The following ERBB4 variants were observed in gnomAD, a reference collection of about 807,000 sequenced individuals.
ERBB4 encodes the protein erb-b2 receptor tyrosine kinase 4.
ERBB4 carries 42 observed loss-of-function variants against 158.0 expected under a neutral mutation model. That is an observed-to-expected ratio of 0.27 (90% confidence interval 0.21 to 0.34). The LOEUF (loss-of-function observed/expected upper bound fraction) is 0.34, where lower values mean the gene tolerates loss of function less well. ERBB4 is among the 10% of genes least tolerant of loss of function. The probability of loss-of-function intolerance (pLI) is 1.00; values close to 1 mark genes in which losing one functional copy is unlikely to be tolerated. For missense variants in ERBB4, 1,333 were observed against 1,624.1 expected (o/e 0.82, Z 3.08); for synonymous variants, 583 against 558.7 (o/e 1.04, Z -0.61).
intron 1 of ERBB4, among the ~76,000 whole-genome samples, chr2:212,237,080 T>C (rs2083908061): frequency 6.6e-6 from 1 of 152,188 alleles, no homozygotes; most frequent in African/African-American, 2.4e-5. Flanking sequence ...TTTAGAAATC[T>C]TTCCTGCTTT....
At chr2:212,406,696 C>T (rs2091354491) in intron 1 of ERBB4, among the ~76,000 whole-genome samples, 3 of 152,100 alleles carry the variant, frequency 2.0e-5, no homozygotes, top group Admixed American at 2.0e-4. Context: ...TGGGAACTGA[C>T]TCTGGTTGTC....
chr2:211,386,342 G>A (rs1055855059), intron 27 of ERBB4, among the ~76,000 whole-genome samples: 3 of 152,004 alleles, frequency 2.0e-5, no homozygotes, highest in Admixed American at 6.6e-5. Flanking sequence ...TTTGAAAAAC[G>A]TCATATAAGA....
intron 2 of ERBB4, among the ~76,000 whole-genome samples, chr2:212,057,629 C>G (rs2077621984): frequency 6.6e-6 from 1 of 152,218 alleles, no homozygotes; most frequent in African/African-American, 2.4e-5. Context: ...AAGAAACTCC[C>G]TCAAAACTGC....
intron 1 of ERBB4, among the ~76,000 whole-genome samples, chr2:212,373,918 TATATATATATCCATATATATCC>T (rs1574796651): frequency 1.7e-5 from 1 of 57,304 alleles, no homozygotes; most frequent in Non-Finnish European, 3.2e-5. Flanking sequence ...TATATATCCA[TATATATATATCCATATATATCC>T]ATATATATAT....
intron 23 of ERBB4, among the ~76,000 whole-genome samples, 180 bp from the exon 24 acceptor site, chr2:211,422,284 T>C (rs2063529135): frequency 1.3e-5 from 2 of 151,922 alleles, no homozygotes; most frequent in Non-Finnish European, 2.9e-5. Context: ...GGTCTCTTTG[T>C]TGATATTCAT....
intron 1 of ERBB4, among the ~76,000 whole-genome samples, chr2:212,287,286 C>T (rs915048815): frequency 6.6e-6 from 1 of 152,060 alleles, no homozygotes; most frequent in Non-Finnish European, 1.5e-5. Flanking sequence ...CAACACCAGC[C>T]CCAGCCAGTC....
At chr2:211,680,378 G>A (rs1402815729) in intron 12 of ERBB4, among the ~76,000 whole-genome samples, 1 of 152,122 alleles carries the variant, frequency 6.6e-6, no homozygotes, top group African/African-American at 2.4e-5. Flanking sequence ...GTGATTTGAG[G>A]TATTTGAAAC....
Position 212,188,240 on chromosome 2 carries a change from C to CTT in ERBB4, c.83-63338_83-63337insAA, listed in dbSNP as rs1559691787. ...TCTCTCTCTCTCTCTCTCTCCCCCC[C>CTT]CCTCTCACCCCCTCCCTCCCTCCCT... On this transcript the variant is annotated intron_variant, in intron 1 of 27. Transcript: ENST00000342788. 8.4e-3 allele frequency among the ~76,000 whole-genome samples: 251 copies of CTT among 29,866 alleles called. 31 individuals are homozygous for CTT. Among genetic ancestry groups the CTT allele is most frequent in the African/African-American group, 0.035 (235 of 6,690 alleles). The allele number at this position is 29,866 out of a possible 152,430, so 19.6% of individuals were successfully genotyped here. A position where few individuals can be genotyped will look rare whatever the true frequency, so the allele number is the denominator to read the frequency against.
At chr2:212,425,380 GAACA>G (rs2091888645) in intron 1 of ERBB4, among the ~76,000 whole-genome samples, 1 of 147,372 alleles carries the variant, frequency 6.8e-6, no homozygotes, top group Admixed American at 6.8e-5. Context: ...ACATATATAT[GAACA>G]TATATGTATA....
chr2:212,435,685 C>T (rs974500519), intron 1 of ERBB4, among the ~76,000 whole-genome samples: 1 of 151,822 alleles, frequency 6.6e-6, no homozygotes, highest in African/African-American at 2.4e-5. Flanking sequence ...TAGATGAAGT[C>T]TTTTCCATGT....
intron 3 of ERBB4, among the ~76,000 whole-genome samples, chr2:211,913,212 G>T (rs1479863839): frequency 1.3e-5 from 2 of 152,188 alleles, no homozygotes; most frequent in African/African-American, 4.8e-5. Context: ...ATTATCTCAT[G>T]AAGCTGTTGT....
intron 1 of ERBB4, among the ~76,000 whole-genome samples, chr2:212,457,263 C>T (rs1688341056): frequency 6.6e-6 from 1 of 151,836 alleles, no homozygotes; most frequent in Non-Finnish European, 1.5e-5. Flanking sequence ...ATAATATAAA[C>T]AAAATATTTT....
At chr2:211,788,994 A>AG (rs1406980532) in intron 3 of ERBB4, among the ~76,000 whole-genome samples, 1 of 152,192 alleles carries the variant, frequency 6.6e-6, no homozygotes, top group African/African-American at 2.4e-5. Flanking sequence ...GGCCTTGATT[A>AG]GCTAATTTGT....
intron 4 of ERBB4, among the ~76,000 whole-genome samples, chr2:211,759,826 T>A (rs1289604479): frequency 1.3e-4 from 11 of 87,200 alleles, no homozygotes; most frequent in African/African-American, 3.9e-4. Flanking sequence ...TGTGTGTGTG[T>A]GTGTGTGTGT....
chr2:212,476,157 A>G (rs1041276578), intron 1 of ERBB4, among the ~76,000 whole-genome samples: 6 of 140,508 alleles, frequency 4.3e-5, no homozygotes, highest in Non-Finnish European at 9.0e-5. Context: ...TCTCTGTCAC[A>G]CACACACACA....
chr2:212,299,487 T>C (rs1403978072), intron 1 of ERBB4, among the ~76,000 whole-genome samples: 3 of 151,716 alleles, frequency 2.0e-5, no homozygotes, highest in Non-Finnish European at 3.0e-5. Context: ...ATTAAATGCA[T>C]GTATTTCTTC....
intron 3 of ERBB4, among the ~76,000 whole-genome samples, chr2:211,910,266 T>A (rs2079509439): frequency 6.6e-6 from 1 of 151,400 alleles, no homozygotes; most frequent in Non-Finnish European, 1.5e-5. Context: ...TAGCTTATAG[T>A]TTAATTCTGA....
chr2:212,166,812 G>A (rs370745412), intron 1 of ERBB4, among the ~76,000 whole-genome samples: 3 of 152,050 alleles, frequency 2.0e-5, no homozygotes, highest in South Asian at 2.1e-4. Flanking sequence ...TCTGATCTTC[G>A]ACAAATCTCA....
chr2:211,560,449 T>A (rs1271354172), intron 20 of ERBB4, among the ~76,000 whole-genome samples: 1 of 151,582 alleles, frequency 6.6e-6, no homozygotes, highest in Non-Finnish European at 1.5e-5. Flanking sequence ...TAATTTTGTA[T>A]TTTTAGTAGA....
Sources: gnomAD v4.1 joint callset for allele counts (sites outside exome capture counted in the v4.1 genomes callset) on GRCh38, gnomAD v4.1.1 for gene constraint, MANE v1.5 for transcripts, NCBI Gene and HGNC (gene_info 2026-07-23, HGNC 2026-07-21) for gene names.